PLD5: variants seen among roughly 807,000 people sequenced by gnomAD.
The protein encoded by PLD5 is inactive phospholipase D5.
In PLD5, 36 loss-of-function variants were observed where a neutral mutation model predicts 61.1. The observed-to-expected ratio is 0.59, with a 90% confidence interval of 0.45 to 0.78. PLD5 has a LOEUF of 0.78. Ranked by LOEUF, PLD5 falls within the 30% of genes least tolerant of loss-of-function variation. PLD5 has a pLI of 0.00. For synonymous variants in PLD5, 243 were observed against 242.8 expected (o/e 1.00, Z -0.01); for missense variants, 515 against 644.4 (o/e 0.80, Z 2.17).
chr1:242,137,132 GC>G (rs1663798277), intron 5 of PLD5, among the ~76,000 whole-genome samples: 1 of 152,154 alleles, frequency 6.6e-6, no homozygotes, highest in South Asian at 2.1e-4. Flanking sequence ...AGGACACATA[GC>G]CCTCCTGGGC....
intron 5 of PLD5, among the ~76,000 whole-genome samples, chr1:242,167,609 T>C (rs955881837): frequency 3.3e-5 from 5 of 152,214 alleles, no homozygotes; most frequent in Non-Finnish European, 2.9e-5. Flanking sequence ...AATAACTGCC[T>C]GATAAAGTTC....
chr1:242,245,852 T>C (rs1441006256), intron 4 of PLD5, among the ~76,000 whole-genome samples: 1 of 152,104 alleles, frequency 6.6e-6, no homozygotes, highest in Non-Finnish European at 1.5e-5. Flanking sequence ...CCACCACTGG[T>C]TTGCATCTTA....
intron 1 of PLD5, among the ~76,000 whole-genome samples, chr1:242,513,300 C>T (rs1242721218): frequency 1.3e-5 from 2 of 152,250 alleles, no homozygotes; most frequent in Middle Eastern, 3.4e-3. Context: ...TTCATTCATT[C>T]GTTCACTTGC....
chr1:242,332,388 G>T (rs1659238085), intron 2 of PLD5, among the ~76,000 whole-genome samples: 1 of 151,952 alleles, frequency 6.6e-6, no homozygotes. Context: ...TAATGCTTTG[G>T]GTATATACCC....
At position 242,408,733 on chromosome 1, in the gene PLD5, T is replaced by C. The variant is rs546515485; in HGVS notation, c.190-60491A>G. On this transcript the variant is annotated intron_variant, in intron 1 of 9. Transcript: ENST00000536534. Reference sequence around the variant, plus strand: ...TTACCCAGTCTCAGGTATTCCTTTATAGCAATGCAAAAATGGCCTAACACA... The same window carrying C: ...TTACCCAGTCTCAGGTATTCCTTTACAGCAATGCAAAAATGGCCTAACACA... 1.2e-4 allele frequency among the ~76,000 whole-genome samples: 18 copies of C among 152,206 alleles called. No homozygotes were observed. In the East Asian group the frequency reaches 2.3e-3, roughly 20 times the overall value.
intron 5 of PLD5, chr1:242,209,186 G>A (rs1024966866): frequency 7.2e-5 from 11 of 152,048 alleles, no homozygotes; most frequent in African/African-American, 2.2e-4. Flanking sequence ...TTGTCAGCAC[G>A]GTACTTTTCA....
At chr1:242,517,533 G>T (rs1669142071) in intron 1 of PLD5, among the ~76,000 whole-genome samples, 1 of 152,046 alleles carries the variant, frequency 6.6e-6, no homozygotes, top group South Asian at 2.1e-4. Context: ...GGAATAAAAT[G>T]AATTTTGTTA....
chr1:242,211,151 C>T (rs1669793688), intron 5 of PLD5, among the ~76,000 whole-genome samples: 1 of 152,176 alleles, frequency 6.6e-6, no homozygotes, highest in Admixed American at 6.5e-5. Flanking sequence ...GTAGACAAAA[C>T]AACCTTCTAT....
At chr1:242,499,572 C>T (rs1022092137) in intron 1 of PLD5, among the ~76,000 whole-genome samples, 4 of 152,082 alleles carry the variant, frequency 2.6e-5, no homozygotes, top group African/African-American at 7.2e-5. Flanking sequence ...TTTCTTACTT[C>T]GCATTTTGTC....
intron 4 of PLD5, among the ~76,000 whole-genome samples, chr1:242,254,348 GAAAA>G (rs59783629): frequency 7.5e-6 from 1 of 132,682 alleles, no homozygotes; most frequent in Non-Finnish European, 1.6e-5. Context: ...TCATTTAACT[GAAAA>G]AAAAAAAAAA....
chr1:242,472,958 A>C lies in PLD5; in HGVS notation c.189+51130T>G, dbSNP rs116686267. 9.6e-3 allele frequency among the ~76,000 whole-genome samples: 1,464 copies of C among 152,192 alleles called. 30 individuals carry two copies. Among genetic ancestry groups the C allele is most frequent in the African/African-American group, 0.034 (1,414 of 41,558 alleles). ...GAGTAAAAAGAGAATATTTTATTTT[A>C]TTTTCTTAATCTCCAAATACCTTGA... is the stretch of plus-strand genomic sequence containing the variant. On this transcript the variant is annotated intron_variant, in intron 1 of 9. Transcript: ENST00000536534.
intron 4 of PLD5, among the ~76,000 whole-genome samples, chr1:242,245,180 C>A (rs1409546173): frequency 1.3e-5 from 2 of 152,150 alleles, no homozygotes; most frequent in Non-Finnish European, 2.9e-5. Flanking sequence ...AAAAAAGGAG[C>A]CTTTTAGAGA....
At chr1:242,124,169 G>GGTA (rs1397612273) in intron 6 of PLD5, among the ~76,000 whole-genome samples, 2 of 152,126 alleles carry the variant, frequency 1.3e-5, no homozygotes, top group Non-Finnish European at 2.9e-5. Context: ...TTTGCTAGTA[G>GGTA]GTAAGGTCGA....
At chr1:242,415,432 T>C (rs1021253678) in intron 1 of PLD5, among the ~76,000 whole-genome samples, 1 of 152,056 alleles carries the variant, frequency 6.6e-6, no homozygotes, top group Non-Finnish European at 1.5e-5. Flanking sequence ...CATGCATTCA[T>C]TGGCCTCCCC....
the PLD5 span, among the ~76,000 whole-genome samples, chr1:242,529,778 T>TCTTCCTTCCTTCCTTCCTTC: frequency 0.028 from 3,620 of 129,762 alleles, 77 homozygotes; most frequent in African/African-American, 0.038. Flanking sequence ...GGCACTGGGA[T>TCTTCCTTCCTTCCTTCCTTC]CTTCCTTCCT....
chr1:242,136,735 A>G (rs2148775679), intron 5 of PLD5, among the ~76,000 whole-genome samples: 1 of 152,320 alleles, frequency 6.6e-6, no homozygotes, highest in South Asian at 2.1e-4. Flanking sequence ...GAAAGTGTCA[A>G]TATTCAAAAA....
Position 242,088,085 on chromosome 1 carries a change from G to A in PLD5, c.*1769C>T, listed in dbSNP as rs190382486. ...TAAATCCATTGGATAAGATTCACAGGCTCCTCGATCACTCTTTTGGCATTT... is the reference window on the plus strand; with the variant it reads ...TAAATCCATTGGATAAGATTCACAGACTCCTCGATCACTCTTTTGGCATTT... On this transcript the variant is annotated 3_prime_UTR_variant, in exon 10 of 10. Transcript: ENST00000536534. The A allele has an allele frequency of 6.6e-6, 1 of 152,134 alleles. No homozygotes were observed. The highest frequency in any genetic ancestry group is 2.4e-5 in the African/African-American group (1 of 41,424). The allele number at this position is 152,134 out of a possible 1,614,324, so 9.4% of individuals were successfully genotyped here. A position where few individuals can be genotyped will look rare whatever the true frequency, so the allele number is the denominator to read the frequency against.
chr1:242,171,706 GC>G (rs1666760818), intron 5 of PLD5, among the ~76,000 whole-genome samples: 1 of 125,048 alleles, frequency 8.0e-6, no homozygotes, highest in South Asian at 2.6e-4. Context: ...TATTTACCAA[GC>G]AAATGGAAAG....
Position 242,475,437 on chromosome 1 carries a change from A to AG in PLD5, c.189+48650_189+48651insC, listed in dbSNP as rs1397184945. On this transcript the variant is annotated intron_variant, in intron 1 of 9. Coordinates refer to ENST00000536534, the MANE Select transcript of PLD5 (RefSeq NM_001372062.1). Reference sequence around the variant, plus strand: ...GACTCCGTCTCAAAAAAAAAAAAAAAAAAAGAAAACAATAAAAGAAAGGCT... The same window carrying AG: ...GACTCCGTCTCAAAAAAAAAAAAAAAGAAAAGAAAACAATAAAAGAAAGGCT... Among the ~76,000 whole-genome samples, 29 of 151,394 alleles carry AG rather than the reference A, an allele frequency of 1.9e-4. 1 individual carries two copies. The highest frequency in any genetic ancestry group is 3.6e-4 in the African/African-American group (15 of 41,260).
Sources: allele counts gnomAD v4.1 joint callset (sites outside exome capture counted in the v4.1 genomes callset), GRCh38; gene constraint gnomAD v4.1.1; transcripts MANE v1.5; gene names NCBI Gene and HGNC (gene_info 2026-07-23, HGNC 2026-07-21).